ZNF486: variants seen among roughly 807,000 people sequenced by gnomAD.
The protein encoded by ZNF486 is zinc finger protein 486, also known as KRAB box only protein 2.
In ZNF486, 12 loss-of-function variants were observed where a neutral mutation model predicts 12.8. The ratio of observed to expected loss-of-function variants is 0.94; its 90% CI spans 0.60 to 1.52. ZNF486 has a LOEUF of 1.52. ZNF486 is among the 40% of genes most tolerant of loss of function. The pLI, the probability that ZNF486 is intolerant of heterozygous loss-of-function variation, is 0.00. For missense variants in ZNF486, 738 were observed against 545.0 expected, an observed-to-expected ratio of 1.35 and a Z score of -3.53; for synonymous variants, 231 against 184.9, an observed-to-expected ratio of 1.25 and a Z score of -2.02.
At chr19:20,175,589 C>G (rs2089698868) in intron 1 of ZNF486, among the ~76,000 whole-genome samples, 1 of 151,642 alleles carries the variant, frequency 6.6e-6, no homozygotes, top group African/African-American at 2.4e-5. Flanking sequence ...TTGCACCGCC[C>G]TTAATCCATT....
At position 20,167,222 on chromosome 19, in the gene ZNF486, C is replaced by CT. The variant is rs2089592338; in HGVS notation, c.-108dup. The CT allele has an allele frequency of 1.4e-6, 2 of 1,390,280 alleles. No individual in the cohort carries two copies. 86.1% of individuals were successfully genotyped at this position (1,390,280 alleles called of 1,614,324 possible). Reference sequence around the variant, plus strand: ...GGTTTGGCGCGGCCTTTGTCTCTCGCTGCATCTGGAGCTCTAGGTCGCCTC... The same window carrying CT: ...GGTTTGGCGCGGCCTTTGTCTCTCGCTTGCATCTGGAGCTCTAGGTCGCCTC... On this transcript the variant is annotated 5_prime_UTR_variant, in exon 1 of 4. Coordinates refer to ENST00000335117, the MANE Select transcript of ZNF486 (RefSeq NM_052852.4).
chr19:20,186,857 C>T (rs1291743404), intron 3 of ZNF486, among the ~76,000 whole-genome samples: 2 of 136,614 alleles, frequency 1.5e-5, no homozygotes, highest in African/African-American at 5.7e-5. Flanking sequence ...GATCTTGGTT[C>T]ACTGCAAACT....
intron 2 of ZNF486, 97 bp downstream of exon 2, chr19:20,184,579 G>T (rs782306895): frequency 2.4e-4 from 311 of 1,321,208 alleles, no homozygotes; most frequent in Non-Finnish European, 2.8e-4. Context: ...TTGCATAAAA[G>T]AGTTCCAGAT....
At position 20,170,049 on chromosome 19, in the gene ZNF486, C is replaced by A. The variant is rs186737860; in HGVS notation, c.30+2689C>A. On this transcript the variant is annotated intron_variant, in intron 1 of 3. Coordinates refer to ENST00000335117, the MANE Select transcript of ZNF486 (RefSeq NM_052852.4). ...GGGACTACAGGCGCCCGCCACCACG[C>A]CCGGCTAATTTTTTTGTATTTTTAG... is the stretch of plus-strand genomic sequence containing the variant. 1.5e-3 allele frequency among the ~76,000 whole-genome samples: 221 copies of A among 151,688 alleles called. 1 individual carries two copies. The highest frequency in any genetic ancestry group is 5.2e-3 in the African/African-American group (213 of 41,352).
chr19:20,192,230 G>T (rs1463601718), intron 3 of ZNF486, among the ~76,000 whole-genome samples: 1 of 152,074 alleles, frequency 6.6e-6, no homozygotes, highest in African/African-American at 2.4e-5. Flanking sequence ...GCTACAATGA[G>T]TCTCTTGTAG....
At chr19:20,187,886 T>C (rs546071032) in intron 3 of ZNF486, among the ~76,000 whole-genome samples, 1 of 152,052 alleles carries the variant, frequency 6.6e-6, no homozygotes, top group Non-Finnish European at 1.5e-5. Context: ...GAATTTGTAG[T>C]GGAGAGGGGG....
rs118101218 is a variant in ZNF486, at chr19:20,192,600, G to A, written c.254-4364G>A. On this transcript the variant is annotated intron_variant, in intron 3 of 3. Transcript: ENST00000335117. ...TGGGATTACAGGCATCAGCCACCAC[G>A]CCTGGCCTCATTTAACTTTGAGATA... is the stretch of plus-strand genomic sequence containing the variant. Among the ~76,000 whole-genome samples the A allele has an allele frequency of 9.9e-5, 15 of 152,218 alleles. No homozygotes were observed. In the East Asian group the frequency reaches 2.3e-3, roughly 23 times the overall value.
intron 1 of ZNF486, among the ~76,000 whole-genome samples, chr19:20,181,411 C>T (rs555083715): frequency 5.6e-4 from 85 of 152,024 alleles, no homozygotes; most frequent in African/African-American, 1.8e-3. Context: ...TGGTGGTGGG[C>T]GCCTGTAGTC....
intron 1 of ZNF486, among the ~76,000 whole-genome samples, chr19:20,177,719 C>A (rs2089736277): frequency 6.6e-6 from 1 of 152,014 alleles, no homozygotes; most frequent in Non-Finnish European, 1.5e-5. Flanking sequence ...GGATTGCAGG[C>A]ATGTGCCACC....
Position 20,198,097 on chromosome 19 carries a change from A to T in ZNF486, c.1387A>T (p.Thr463Ser). ...AATTCATATTGGACAGAAACCAAGA[A>T]CGTGACAAAGGATTATTTTATTATT... ...KRIHIGQKPRT is the reference protein window; with the variant it reads ...KRIHIGQKPRS Residue 463 changes from threonine (T) to serine (S), a missense_variant, in exon 4 of 4, where the codon ACG (threonine) becomes TCG (serine). By Grantham distance (58) the Thr-to-Ser change is moderately conservative. Transcript: ENST00000335117. 1.9e-6 allele frequency: 3 copies of T among 1,572,144 alleles called. No individual in the cohort carries two copies.
chr19:20,197,715 G>C lies in ZNF486; in HGVS notation c.1005G>C (p.Ser335=). 1 of 1,610,166 alleles carries C rather than the reference G, an allele frequency of 6.2e-7. No homozygotes were observed. The highest frequency in any genetic ancestry group is 1.1e-5 in the South Asian group (1 of 90,830). ...GTGGCAAAGCCTTTATTTCATCCTC[G>C]ATCCTTAGTAAACATGAGAAGATTC... ...DKCGKAFISS[S]ILSKHEKIHT... is the part of the protein sequence containing the mutation. The change falls in exon 4 of 4, where the codon TCG becomes TCC. Residue 335 remains serine (S), a synonymous_variant. Transcript: ENST00000335117.
intron 1 of ZNF486, chr19:20,176,856 A>C (rs1018159848): frequency 6.6e-6 from 1 of 152,444 alleles, no homozygotes; most frequent in African/African-American, 2.4e-5. Context: ...TCGAAGCCCT[A>C]TTAATTAATC....
chr19:20,185,506 G>A (rs1555716268), intron 2 of ZNF486, among the ~76,000 whole-genome samples: 1 of 148,868 alleles, frequency 6.7e-6, no homozygotes, highest in Non-Finnish European at 1.5e-5. Context: ...TGCCTCCTGG[G>A]TTCAAGCAAT....
chr19:20,185,517 TCTC>T (rs1385094078), intron 2 of ZNF486, among the ~76,000 whole-genome samples: 1 of 150,278 alleles, frequency 6.7e-6, no homozygotes, highest in African/African-American at 2.5e-5. Flanking sequence ...TTCAAGCAAT[TCTC>T]CTGTCTGAGC....
At chr19:20,189,186 T>C (rs1017973943) in intron 3 of ZNF486, among the ~76,000 whole-genome samples, 1 of 151,996 alleles carries the variant, frequency 6.6e-6, no homozygotes, top group Non-Finnish European at 1.5e-5. Context: ...GCAATTCTGC[T>C]TCAGCCTCCC....
In ZNF486 at chr19:20,198,245, A is replaced by T; in HGVS notation, c.*143A>T. The T allele has an allele frequency of 1.5e-6, 1 of 681,866 alleles. No homozygotes were observed. The highest frequency in any genetic ancestry group is 2.5e-6 in the Non-Finnish European group (1 of 405,180). The allele number at this position is 681,866 out of a possible 1,614,324, so 42.2% of individuals were successfully genotyped here. A position where few individuals can be genotyped will look rare whatever the true frequency, so the allele number is the denominator to read the frequency against. ...AACTCTCCTTAGTAGCTAGGATTAC[A>T]GGGCTGCACCACCACACCTGGCTAA... On this transcript the variant is annotated 3_prime_UTR_variant, in exon 4 of 4. Transcript: ENST00000335117.
intron 1 of ZNF486, chr19:20,176,168 C>CTGCAATCTCGGTACTTTGGGA: frequency 6.4e-6 from 1 of 155,594 alleles, no homozygotes; most frequent in Middle Eastern, 2.8e-3. Context: ...TGGGCAGAGG[C>CTGCAATCTCGGTACTTTGGGA]GCTCCTCATA....
chr19:20,194,615 C>A (rs2089939589), intron 3 of ZNF486, among the ~76,000 whole-genome samples: 1 of 152,100 alleles, frequency 6.6e-6, no homozygotes, highest in East Asian at 1.9e-4. Context: ...GTAATCCCAG[C>A]TACTCAGGAC....
chr19:20,196,161 A>G (rs1555717898), intron 3 of ZNF486, among the ~76,000 whole-genome samples: 1 of 152,078 alleles, frequency 6.6e-6, no homozygotes, highest in Non-Finnish European at 1.5e-5. Context: ...ATTACAGGTA[A>G]CTGTAACCAT....
Sources: allele counts gnomAD v4.1 joint callset (sites outside exome capture counted in the v4.1 genomes callset), GRCh38; gene constraint gnomAD v4.1.1; transcripts MANE v1.5; gene names NCBI Gene and HGNC (gene_info 2026-07-23, HGNC 2026-07-21).